The following SCMH1 variants were observed in gnomAD, a reference collection of about 807,000 sequenced individuals.
The protein encoded by SCMH1 is polycomb protein SCMH1.
SCMH1 carries 37 observed loss-of-function variants against 70.8 expected under a neutral mutation model. The observed-to-expected ratio is 0.52, with a 90% CI of 0.40 to 0.69. SCMH1 has a LOEUF of 0.69. SCMH1 is among the 30% of genes least tolerant of loss of function. The pLI is 0.00. For missense variants in SCMH1, 607 were observed against 827.3 expected, an observed-to-expected ratio of 0.73 and a Z score of 3.27; for synonymous variants, 292 against 307.4, an observed-to-expected ratio of 0.95 and a Z score of 0.52.
intron 6 of SCMH1, among the ~76,000 whole-genome samples, chr1:41,121,875 T>C (rs975070617): frequency 1.3e-5 from 2 of 152,292 alleles, no homozygotes; most frequent in East Asian, 1.9e-4. Context: ...CCTAAAAGAC[T>C]AGAAGTCATC....
chr1:41,092,029 G>C (rs567587352), intron 8 of SCMH1, among the ~76,000 whole-genome samples: 21 of 152,184 alleles, frequency 1.4e-4, no homozygotes, highest in South Asian at 6.2e-4. Flanking sequence ...CTACTTTAAA[G>C]TTCATATGGA....
intron 2 of SCMH1, among the ~76,000 whole-genome samples, chr1:41,170,480 T>A (rs1033857840): frequency 6.6e-6 from 1 of 152,228 alleles, no homozygotes; most frequent in African/African-American, 2.4e-5. Context: ...CATGAATAGA[T>A]ATTTATTTGG....
At chr1:41,186,828 C>T (rs1052754905) in intron 1 of SCMH1, among the ~76,000 whole-genome samples, 7 of 152,162 alleles carry the variant, frequency 4.6e-5, no homozygotes, top group Non-Finnish European at 1.0e-4. Context: ...AGGAGAAAGA[C>T]CTCATCTCTA....
intron 6 of SCMH1, among the ~76,000 whole-genome samples, chr1:41,118,391 C>G (rs552794619): frequency 1.3e-5 from 2 of 152,244 alleles, no homozygotes; most frequent in Admixed American, 6.5e-5. Flanking sequence ...ATGATCTGGA[C>G]AGTAGAGTAT....
intron 1 of SCMH1, among the ~76,000 whole-genome samples, chr1:41,205,506 C>G (rs1299503918): frequency 6.6e-6 from 1 of 152,194 alleles, no homozygotes; most frequent in Non-Finnish European, 1.5e-5. Flanking sequence ...CTGTGAGACC[C>G]CTGATTTCCC....
intron 6 of SCMH1, among the ~76,000 whole-genome samples, chr1:41,134,193 T>A (rs550670309): frequency 1.3e-5 from 2 of 152,274 alleles, no homozygotes; most frequent in South Asian, 4.1e-4. Flanking sequence ...CACATGATTA[T>A]CTTAATAGAT....
At chr1:41,183,095 T>A (rs867091338) in intron 2 of SCMH1, among the ~76,000 whole-genome samples, 14 of 152,330 alleles carry the variant, frequency 9.2e-5, no homozygotes, top group Middle Eastern at 3.4e-3. Context: ...CCAGTTAACA[T>A]AACAAATCAG....
At chr1:41,140,295 C>CT (rs61401237) in intron 6 of SCMH1, among the ~76,000 whole-genome samples, 36 of 145,734 alleles carry the variant, frequency 2.5e-4, no homozygotes, top group Admixed American at 8.1e-4. Context: ...ACCCCAATAA[C>CT]TTTTTTTTTT....
chr1:41,188,159 A>AT (rs561534335), intron 1 of SCMH1, among the ~76,000 whole-genome samples: 10 of 152,262 alleles, frequency 6.6e-5, no homozygotes, highest in South Asian at 2.1e-4. Flanking sequence ...ACATTAAGAG[A>AT]TTAGTCTTAG....
At chr1:41,130,105 G>A (rs1674268871) in intron 6 of SCMH1, among the ~76,000 whole-genome samples, 1 of 152,026 alleles carries the variant, frequency 6.6e-6, no homozygotes, top group Non-Finnish European at 1.5e-5. Flanking sequence ...ATTTTCATGT[G>A]CTAATTGGCC....
In SCMH1 at chr1:41,029,179, C is replaced by G. The variant is rs185070070; in HGVS notation, c.1679-453G>C. ...TTCCAAGGCCTGGAGAATAGGTGAC[C>G]TCATTACAGCCTGATACACTAAGGC... On this transcript the variant is annotated intron_variant, in intron 13 of 14. Coordinates refer to ENST00000337495, the Ensembl canonical transcript of SCMH1. Among the ~76,000 whole-genome samples, 5 of 152,214 alleles carry G rather than the reference C, an allele frequency of 3.3e-5. No homozygotes were observed. The East Asian group carries it at 9.7e-4, about 29-fold the overall frequency.
chr1:41,116,791 A>T (rs1670572260), intron 7 of SCMH1, 131 bp downstream of exon 7: 1 of 567,020 alleles, frequency 1.8e-6, no homozygotes, highest in Admixed American at 3.6e-5. Context: ...GCTGCTTCAT[A>T]AGCTACTAAA....
intron 1 of SCMH1, among the ~76,000 whole-genome samples, chr1:41,217,070 G>C (rs2148826567): frequency 6.6e-6 from 1 of 152,296 alleles, no homozygotes; most frequent in South Asian, 2.1e-4. Flanking sequence ...GGTAGGGACT[G>C]AAAGAATTTT....
At chr1:41,084,024 T>G (rs1292116450) in intron 8 of SCMH1, among the ~76,000 whole-genome samples, 3 of 152,142 alleles carry the variant, frequency 2.0e-5, no homozygotes, top group African/African-American at 7.2e-5. Flanking sequence ...ATAAAAACCC[T>G]AGAAGAAATC....
At chr1:41,226,790 A>C (rs1280179578) in intron 1 of SCMH1, among the ~76,000 whole-genome samples, 1 of 152,224 alleles carries the variant, frequency 6.6e-6, no homozygotes, top group Non-Finnish European at 1.5e-5. Flanking sequence ...GCAAAGTCAC[A>C]AGGTACTATG....
In SCMH1 at chr1:41,036,458, T is replaced by G. The variant is rs147321804; in HGVS notation, c.1678+904A>C. 6.6e-3 allele frequency among the ~76,000 whole-genome samples: 1,010 copies of G among 152,278 alleles called. 10 individuals carry two copies. Among genetic ancestry groups the G allele is most frequent in the African/African-American group, 0.021 (856 of 41,554 alleles). On this transcript the variant is annotated intron_variant, in intron 13 of 14. Coordinates refer to ENST00000337495, the Ensembl canonical transcript of SCMH1. ...TGATTAAATTTGCCTTGTGAACAGT[T>G]TTCAAATCCACTCTCTCTTCTCCAA... is the stretch of plus-strand genomic sequence containing the variant.
intron 5 of SCMH1, among the ~76,000 whole-genome samples, chr1:41,148,697 A>T (rs1456847027): frequency 6.6e-6 from 1 of 152,030 alleles, no homozygotes; most frequent in Non-Finnish European, 1.5e-5. Context: ...GGTTTTGTGC[A>T]ATTTGATTAT....
chr1:41,080,535 T>C (rs1659678612), intron 8 of SCMH1, among the ~76,000 whole-genome samples: 1 of 152,116 alleles, frequency 6.6e-6, no homozygotes, highest in African/African-American at 2.4e-5. Flanking sequence ...AGATATACAA[T>C]CCTATATATA....
intron 1 of SCMH1, among the ~76,000 whole-genome samples, chr1:41,234,108 C>T (rs1021713036): frequency 5.3e-5 from 8 of 152,154 alleles, no homozygotes; most frequent in African/African-American, 1.4e-4. Flanking sequence ...ATCTCCTCAC[C>T]CTCTATCTGG....
Sources: gnomAD v4.1 joint callset for allele counts (sites outside exome capture counted in the v4.1 genomes callset) on GRCh38, gnomAD v4.1.1 for gene constraint, MANE v1.5 for transcripts, NCBI Gene and HGNC (gene_info 2026-07-23, HGNC 2026-07-21) for gene names.